The following ESRP1 variants were observed in gnomAD, a reference collection of about 807,000 sequenced individuals.
The protein encoded by ESRP1 is epithelial splicing regulatory protein 1.
A neutral mutation model predicts 81.7 loss-of-function variants in ESRP1; 33 were observed. The ratio of observed to expected loss-of-function variants is 0.40; its 90% confidence interval spans 0.31 to 0.54. The LOEUF (loss-of-function observed/expected upper bound fraction) is 0.54. Ranked by LOEUF, ESRP1 falls within the 20% of genes least tolerant of loss-of-function variation. The probability of loss-of-function intolerance (pLI) is 0.41; values close to 1 mark genes in which losing one functional copy is unlikely to be tolerated. For synonymous variants in ESRP1, 320 were observed against 303.3 expected (o/e 1.06, Z -0.57); for missense variants, 672 against 833.1 (o/e 0.81, Z 2.38).
At chr8:94,686,111 T>A (rs539410378) in intron 13 of ESRP1, among the ~76,000 whole-genome samples, 35 of 152,248 alleles carry the variant, frequency 2.3e-4, no homozygotes, top group Middle Eastern at 3.4e-3. Context: ...GTATTTTTAG[T>A]AGAAACAGAG....
intron 13 of ESRP1, among the ~76,000 whole-genome samples, chr8:94,689,811 C>CTTTGTTTTTTTTTTTTTTTT (rs1809304140): frequency 1.5e-5 from 1 of 64,680 alleles, no homozygotes; most frequent in Non-Finnish European, 3.0e-5. Context: ...TGATGCCTGG[C>CTTTGTTTTTTTTTTTTTTTT]TTTTTTTTTT....
At chr8:94,696,808 G>C in intron 14 of ESRP1, 44 bp from the exon 15 acceptor site, 1 of 1,425,058 alleles carries the variant, frequency 7.0e-7, no homozygotes, top group Non-Finnish European at 9.6e-7. Flanking sequence ...CATAGTGACA[G>C]TTTGTCCGTC....
At chr8:94,664,886 A>ATTTTTTTT in intron 7 of ESRP1, 41 bp from the exon 8 acceptor site, 2 of 1,550,720 alleles carry the variant, frequency 1.3e-6, no homozygotes, top group Admixed American at 3.5e-5. Flanking sequence ...TCCTCACTGT[A>ATTTTTTTT]TTTTTTTTTC....
At chr8:94,701,315 G>A (rs16916994) in intron 15 of ESRP1, among the ~76,000 whole-genome samples, 8,358 of 151,154 alleles carry the variant, frequency 0.055, 294 homozygotes, top group East Asian at 0.13. Context: ...TCTCATGGCT[G>A]GCTATAGGAT....
chr8:94,651,987 CTTTTTTTTTTT>C (rs35903773), intron 4 of ESRP1, among the ~76,000 whole-genome samples: 3 of 65,212 alleles, frequency 4.6e-5, no homozygotes, highest in Admixed American at 2.2e-4. Flanking sequence ...TCTAAAACGC[CTTTTTTTTTTT>C]TTTTTTTTTT....
intron 2 of ESRP1, 70 bp downstream of exon 2, chr8:94,642,154 G>T: frequency 1.1e-5 from 17 of 1,555,788 alleles, no homozygotes; most frequent in Non-Finnish European, 1.5e-5. Context: ...GCCCTCTCAG[G>T]GCGGCCCACG....
chr8:94,653,832 G>C (rs940399629), intron 4 of ESRP1, among the ~76,000 whole-genome samples: 3 of 152,106 alleles, frequency 2.0e-5, no homozygotes, highest in African/African-American at 4.8e-5. Flanking sequence ...CAAGTATACA[G>C]TTAAGCTGGA....
chr8:94,679,587 A>G (rs2130667140), intron 13 of ESRP1, among the ~76,000 whole-genome samples: 1 of 152,330 alleles, frequency 6.6e-6, no homozygotes, highest in East Asian at 1.9e-4. Flanking sequence ...TTGAAGCCCC[A>G]AAGGCAGAAG....
chr8:94,656,528 G>T (rs1586188682), intron 4 of ESRP1, among the ~76,000 whole-genome samples: 1 of 152,180 alleles, frequency 6.6e-6, no homozygotes, highest in African/African-American at 2.4e-5. Flanking sequence ...GCCCATAAAG[G>T]TAACTCTTTT....
intron 10 of ESRP1, among the ~76,000 whole-genome samples, chr8:94,670,114 CTA>C (rs1339269194): frequency 6.6e-6 from 1 of 152,180 alleles, no homozygotes; most frequent in Non-Finnish European, 1.5e-5. Flanking sequence ...GGCTGCCTCT[CTA>C]TGATTCTACT....
chr8:94,661,863 TCATTTAATAC>T (rs1416148978), intron 4 of ESRP1, among the ~76,000 whole-genome samples: 1 of 152,116 alleles, frequency 6.6e-6, no homozygotes, highest in Non-Finnish European at 1.5e-5. Flanking sequence ...AAAAAAAAAG[TCATTTAATAC>T]CTTGTAGTGT....
Position 94,696,968 on chromosome 8 carries a change from C to T in ESRP1, c.*35+7C>T, listed in dbSNP as rs1809631197. The T allele has an allele frequency of 3.9e-6, 6 of 1,528,108 alleles. No individual in the cohort carries two copies. The highest frequency in any genetic ancestry group is 3.7e-5 in the South Asian group (3 of 80,240). 94.7% of individuals were successfully genotyped at this position (1,528,108 alleles called of 1,614,324 possible). A position where few individuals can be genotyped will look rare whatever the true frequency, so the allele number is the denominator to read the frequency against. ...AACATCCTCAGAAAAGAAGGTAAGG[C>T]TTTATGATGTGCAAGTTAAATTATA... On this transcript the variant is annotated splice_region_variant and intron_variant, in intron 15 of 15. Transcript: ENST00000433389.
chr8:94,663,187 T>C (rs1373010327), intron 6 of ESRP1, among the ~76,000 whole-genome samples: 1 of 152,238 alleles, frequency 6.6e-6, no homozygotes, highest in Admixed American at 6.5e-5. Flanking sequence ...TTGTAGGCTT[T>C]AATAGAGTTC....
chr8:94,643,560 G>A (rs1817715662), intron 3 of ESRP1, 144 bp downstream of exon 3: 8 of 556,256 alleles, frequency 1.4e-5, no homozygotes, highest in Middle Eastern at 3.1e-4. Context: ...ATTTCAGTTT[G>A]GGAAGATGAA....
In ESRP1 at chr8:94,643,370, G is replaced by C. The variant is rs962480329; in HGVS notation, c.329G>C (p.Gly110Ala). Residue 110 changes from glycine to alanine, a missense_variant, in exon 3 of 16, where the codon GGG becomes GCG. Gly to Ala is a moderately conservative substitution (Grantham distance 60, BLOSUM62 0). Coordinates refer to ENST00000433389, the MANE Select transcript of ESRP1 (RefSeq NM_017697.4). ...ACTTCCTTCTGTCTCTGTACTGATG[G>C]GCAGCTTCATGTCAGGCAAATCCTG... is the stretch of plus-strand genomic sequence containing the variant. ...VGTSFCLCTD[G>A]QLHVRQILHP... 2.0e-5 allele frequency: 32 copies of C among 1,613,698 alleles called. No individual in the cohort carries two copies. The highest frequency in any genetic ancestry group is 2.5e-5 in the Non-Finnish European group (30 of 1,179,762).
In ESRP1 at chr8:94,678,224, C is replaced by T; in HGVS notation, c.1673C>T (p.Thr558Ile). The part of the protein sequence containing the change: ...KLPCLSPPSY[T>I]FPAPAAVIPT... ...CTAGGCCTGTCTCCTCCCTCCTACA[C>T]ATTTCCAGCTCCTGCTGCAGTTATT... The change falls in exon 13 of 16, where the codon ACA becomes ATA. Residue 558 changes from threonine (T) to isoleucine (I), a missense_variant. Thr to Ile is a moderately conservative substitution (Grantham distance 89). Transcript: ENST00000433389. The T allele has an allele frequency of 6.2e-7, 1 of 1,614,004 alleles. No homozygotes were observed. Among genetic ancestry groups the T allele is most frequent in the South Asian group, 1.1e-5 (1 of 91,088 alleles).
rs1012348501 is a variant in ESRP1, at chr8:94,650,260, TTTG to T, written c.490+3981_490+3983del. Among the ~76,000 whole-genome samples the T allele has an allele frequency of 3.8e-4, 18 of 47,616 alleles. No individual in the cohort carries two copies. In the East Asian group the frequency reaches 6.3e-3, roughly 17 times the overall value. The allele number at this position is 47,616 out of a possible 152,430, so 31.2% of individuals were successfully genotyped here. On this transcript the variant is annotated intron_variant, in intron 4 of 15. Coordinates refer to ENST00000433389, the MANE Select transcript of ESRP1 (RefSeq NM_017697.4). ...CATAGTATAGAATTTTTTTGTTTGT[TTTG>T]TTTTTTTTTACCTGCTACCTTAAAG...
At chr8:94,688,983 G>A (rs1809258977) in intron 13 of ESRP1, among the ~76,000 whole-genome samples, 1 of 152,102 alleles carries the variant, frequency 6.6e-6, no homozygotes, top group African/African-American at 2.4e-5. Context: ...AGGCATGGTG[G>A]CTCACGCCTG....
chr8:94,641,605 C>A, intron 1 of ESRP1, 155 bp downstream of exon 1: 1 of 1,092,106 alleles, frequency 9.2e-7, no homozygotes, highest in Non-Finnish European at 1.3e-6. Context: ...AGAGTAAAAC[C>A]AAACTTATTG....
Sources: allele counts gnomAD v4.1 joint callset (sites outside exome capture counted in the v4.1 genomes callset), GRCh38; gene constraint gnomAD v4.1.1; transcripts MANE v1.5; gene names NCBI Gene and HGNC (gene_info 2026-07-23, HGNC 2026-07-21).